Variants in PCDHA1 observed in about 807,000 individuals in gnomAD.
PCDHA1 encodes protocadherin alpha-1.
Under a neutral mutation model 61.3 loss-of-function variants are expected in PCDHA1, and 42 were observed. The ratio of observed to expected loss-of-function variants is 0.69; its 90% CI spans 0.54 to 0.89. The LOEUF (loss-of-function observed/expected upper bound fraction) is 0.89. Ranked by LOEUF, PCDHA1 falls within the 40% of genes least tolerant of loss-of-function variation. The pLI is 0.00. For synonymous variants in PCDHA1, 610 were observed against 553.8 expected (o/e 1.10, Z -1.43); for missense variants, 1,256 against 1,235.3 (o/e 1.02, Z -0.25).
chr5:140,830,085 T>C, intron 1 of PCDHA1: 2 of 1,613,570 alleles, frequency 1.2e-6, no homozygotes, highest in Non-Finnish European at 1.7e-6. Flanking sequence ...ACGGCCACGG[T>C]TCTGGTGTCG....
chr5:140,823,525 G>C (rs2150126646), intron 1 of PCDHA1: 4 of 1,613,736 alleles, frequency 2.5e-6, no homozygotes, highest in Non-Finnish European at 3.4e-6. Flanking sequence ...GCCGAGGTCA[G>C]TGGGTGCGGG....
rs1554117986 is a variant in PCDHA1, at chr5:140,787,796, C to T, written c.1506C>T (p.Arg502=). 1.2e-6 allele frequency: 2 copies of T among 1,612,300 alleles called. No individual in the cohort carries two copies. The highest frequency in any genetic ancestry group is 1.3e-5 in the African/African-American group (1 of 74,886). Residue 502 remains arginine, a synonymous_variant, in exon 1 of 4, where the codon CGC becomes CGT. Coordinates refer to ENST00000504120, the MANE Select transcript of PCDHA1 (RefSeq NM_018900.4). ...TGGTGGAACGGCGGGTGGGCGAGCGCGCGCTGTCGAACTACGTGTCAGTGC... is the reference window on the plus strand; with the variant it reads ...TGGTGGAACGGCGGGTGGGCGAGCGTGCGCTGTCGAACTACGTGTCAGTGC... ...YSLVERRVGE[R]ALSNYVSVHA...
In PCDHA1 at chr5:140,830,080, C is replaced by T. The variant is rs2150180869; in HGVS notation, c.2394+41396C>T. The T allele has an allele frequency of 3.1e-6, 5 of 1,613,516 alleles. No individual in the cohort carries two copies. The South Asian group carries it at 5.5e-5, about 18-fold the overall frequency. Reference sequence around the variant, plus strand: ...GTGAGCCGGCGCTGACAGCGACGGCCACGGTTCTGGTGTCGCTGGTGGAGA... The same window carrying T: ...GTGAGCCGGCGCTGACAGCGACGGCTACGGTTCTGGTGTCGCTGGTGGAGA... On this transcript the variant is annotated intron_variant, in intron 1 of 3. Transcript: ENST00000504120.
At chr5:140,827,284 CA>C (rs1769236667) in intron 1 of PCDHA1, among the ~76,000 whole-genome samples, 1 of 152,058 alleles carries the variant, frequency 6.6e-6, no homozygotes, top group African/African-American at 2.4e-5. Flanking sequence ...GCTGAAGAAT[CA>C]AAAACAGCAA....
At chr5:140,795,114 G>A in intron 1 of PCDHA1, 1 of 1,614,074 alleles carries the variant, frequency 6.2e-7, no homozygotes, top group Non-Finnish European at 8.5e-7. Context: ...GCATCGCGCA[G>A]GACCTGGGGC....
At chr5:140,834,812 G>A in intron 1 of PCDHA1, 1 of 1,612,600 alleles carries the variant, frequency 6.2e-7, no homozygotes, top group African/African-American at 1.3e-5. Flanking sequence ...TGTTCATCGC[G>A]GAATCCAGGC....
intron 1 of PCDHA1, chr5:140,823,624 G>A: frequency 1.2e-6 from 2 of 1,614,052 alleles, no homozygotes; most frequent in East Asian, 4.5e-5. Flanking sequence ...GCCTGGCAGT[G>A]CGCGCATCCC....
chr5:140,985,830 C>T (rs1446445717), intron 3 of PCDHA1, among the ~76,000 whole-genome samples: 2 of 149,758 alleles, frequency 1.3e-5, no homozygotes, highest in Non-Finnish European at 3.0e-5. Flanking sequence ...AGCTCTGCCT[C>T]CCGGGTTCAT....
intron 1 of PCDHA1, chr5:140,883,186 C>T (rs782501193): frequency 1.4e-5 from 23 of 1,613,822 alleles, no homozygotes; most frequent in African/African-American, 2.7e-5. Context: ...GGACAAAAGG[C>T]AAACTAGATT....
chr5:140,870,202 G>T, intron 1 of PCDHA1: 1 of 1,614,162 alleles, frequency 6.2e-7, no homozygotes, highest in Non-Finnish European at 8.5e-7. Flanking sequence ...GCCCAGCACG[G>T]TCATTGCCCT....
chr5:140,808,730 G>T, intron 1 of PCDHA1: 3 of 1,612,170 alleles, frequency 1.9e-6, no homozygotes, highest in Non-Finnish European at 1.7e-6. Flanking sequence ...TGCGGAGAGC[G>T]GCAAGGTGTA....
intron 1 of PCDHA1, chr5:140,804,075 T>C (rs1161561312): frequency 6.2e-6 from 1 of 160,712 alleles, no homozygotes; most frequent in Non-Finnish European, 1.4e-5. Context: ...ACCTTCAGTT[T>C]CAAAAATTAG....
intron 1 of PCDHA1, chr5:140,842,710 C>A: frequency 1.3e-6 from 2 of 1,595,124 alleles, no homozygotes; most frequent in Non-Finnish European, 1.7e-6. Context: ...ACACGGTGTT[C>A]GTGAAGGAGA....
chr5:140,802,367 G>T (rs782105993), intron 1 of PCDHA1: 6 of 1,614,224 alleles, frequency 3.7e-6, no homozygotes, highest in Non-Finnish European at 3.4e-6. Flanking sequence ...GCTCGCTGAC[G>T]CCCCACGTCC....
In PCDHA1 at chr5:140,858,646, T is replaced by C. The variant is rs542211136; in HGVS notation, c.2394+69962T>C. 2.7e-5 allele frequency: 22 copies of C among 817,764 alleles called. 1 individual carries two copies. In the African/African-American group the frequency reaches 3.5e-4, roughly 13 times the overall value. 50.7% of individuals were successfully genotyped at this position (817,764 alleles called of 1,614,324 possible). A position where few individuals can be genotyped will look rare whatever the true frequency, so the allele number is the denominator to read the frequency against. On this transcript the variant is annotated intron_variant, in intron 1 of 3. Coordinates refer to ENST00000504120, the MANE Select transcript of PCDHA1 (RefSeq NM_018900.4). ...AGTGTGTCAGCCTTTGATTGGTACT[T>C]AAATTTTTTTAAATAACAATTTATT...
chr5:140,786,377 C>G lies in PCDHA1; in HGVS notation c.87C>G (p.Gly29=). The stretch of plus-strand genomic sequence containing the variant: ...TCGCAGCCTGGGAGGTGGGGAGCGG[C>G]CAGCTCCACTACTCGATCCCGGAGG... The part of the protein sequence containing the change: ...LLLAAWEVGS[G]QLHYSIPEEA... Residue 29 remains glycine, a synonymous_variant, in exon 1 of 4, where the codon GGC becomes GGG. Transcript: ENST00000504120. 1.2e-6 allele frequency: 2 copies of G among 1,613,746 alleles called. No homozygotes were observed. Among genetic ancestry groups the G allele is most frequent in the Non-Finnish European group, 1.7e-6 (2 of 1,180,038 alleles).
intron 1 of PCDHA1, among the ~76,000 whole-genome samples, chr5:140,792,453 A>G (rs148271120): frequency 1.3e-5 from 2 of 152,330 alleles, no homozygotes; most frequent in East Asian, 3.9e-4. Flanking sequence ...ACCAAGAGAT[A>G]TCAAGTGCAG....
chr5:140,906,595 C>T (rs1341854347), intron 1 of PCDHA1, among the ~76,000 whole-genome samples: 1 of 152,218 alleles, frequency 6.6e-6, no homozygotes, highest in Non-Finnish European at 1.5e-5. Context: ...CCTTCCTCTA[C>T]TACTCATTCT....
At chr5:140,990,273 G>A (rs2097384089) in intron 3 of PCDHA1, among the ~76,000 whole-genome samples, 2 of 152,100 alleles carry the variant, frequency 1.3e-5, no homozygotes, top group African/African-American at 4.8e-5. Flanking sequence ...AATGTACCCC[G>A]GGTCTTGAGA....
Sources: gnomAD v4.1 joint callset for allele counts (sites outside exome capture counted in the v4.1 genomes callset) on GRCh38, gnomAD v4.1.1 for gene constraint, MANE v1.5 for transcripts, NCBI Gene and HGNC (gene_info 2026-07-23, HGNC 2026-07-21) for gene names.